Variants in CCDC149 observed in about 807,000 individuals in gnomAD.
The protein encoded by CCDC149 is coiled-coil domain containing 149.
In CCDC149, 45 loss-of-function variants were observed where a neutral mutation model predicts 59.9. The ratio of observed to expected loss-of-function variants is 0.75; its 90% CI spans 0.59 to 0.96. The LOEUF is 0.96. Among genes scored for constraint, CCDC149 ranks in the 40% least tolerant of loss-of-function variants. The pLI, the probability that CCDC149 is intolerant of heterozygous loss-of-function variation, is 0.00. For synonymous variants in CCDC149, 245 were observed against 260.6 expected (o/e 0.94, Z 0.58); for missense variants, 584 against 664.7 (o/e 0.88, Z 1.33).
intron 1 of CCDC149, among the ~76,000 whole-genome samples, chr4:24,889,091 G>A (rs188456454): frequency 4.6e-5 from 7 of 152,254 alleles, no homozygotes; most frequent in Non-Finnish European, 7.4e-5. Flanking sequence ...TAGCTGGGGG[G>A]TATGTGAAAT....
intron 1 of CCDC149, among the ~76,000 whole-genome samples, chr4:24,976,908 A>G (rs567604953): frequency 1.3e-5 from 2 of 152,306 alleles, no homozygotes; most frequent in South Asian, 4.1e-4. Context: ...CATGGACCAC[A>G]CTAGAACACA....
chr4:24,846,229 C>T (rs918847729), intron 4 of CCDC149, among the ~76,000 whole-genome samples: 2 of 152,126 alleles, frequency 1.3e-5, no homozygotes, highest in Admixed American at 1.3e-4. Flanking sequence ...CTGAGCATTG[C>T]CTATAGTTCA....
chr4:24,809,098 C>A (rs186910935), intron 12 of CCDC149, among the ~76,000 whole-genome samples: 1 of 152,306 alleles, frequency 6.6e-6, no homozygotes, highest in East Asian at 1.9e-4. Flanking sequence ...TGGTTAGCTT[C>A]TGTTCCATTC....
At chr4:24,905,683 G>C (rs527803395) in intron 1 of CCDC149, among the ~76,000 whole-genome samples, 4 of 152,270 alleles carry the variant, frequency 2.6e-5, no homozygotes, top group African/African-American at 7.2e-5. Context: ...TGATCCACCT[G>C]CCTTGGCCTC....
chr4:24,869,014 C>A (rs1190362907), intron 3 of CCDC149, among the ~76,000 whole-genome samples: 1 of 152,230 alleles, frequency 6.6e-6, no homozygotes. Flanking sequence ...AAATGTCCAG[C>A]ACAGCAGCCG....
intron 1 of CCDC149, among the ~76,000 whole-genome samples, chr4:24,979,035 A>C (rs529770808): frequency 6.6e-6 from 1 of 152,330 alleles, no homozygotes; most frequent in East Asian, 1.9e-4. Context: ...TGCAGGGAAC[A>C]CTTTGAGAGA....
At chr4:24,826,022 C>T (rs954083723) in intron 9 of CCDC149, among the ~76,000 whole-genome samples, 1 of 152,020 alleles carries the variant, frequency 6.6e-6, no homozygotes, top group Non-Finnish European at 1.5e-5. Context: ...GTGGCATGAT[C>T]TCAGCTCACG....
At chr4:24,940,806 G>T (rs12331169) in intron 1 of CCDC149, among the ~76,000 whole-genome samples, 69,634 of 151,962 alleles carry the variant, frequency 0.46, 18,893 homozygotes, top group African/African-American at 0.77. Context: ...AGAAGGCCAT[G>T]ACATAATGGT....
intron 1 of CCDC149, among the ~76,000 whole-genome samples, chr4:24,921,973 T>C (rs1274631440): frequency 6.6e-6 from 1 of 152,190 alleles, no homozygotes; most frequent in Non-Finnish European, 1.5e-5. Context: ...GAAATCTGCA[T>C]TCAAGGCATC....
At chr4:24,874,757 C>G (rs1719303960) in intron 2 of CCDC149, among the ~76,000 whole-genome samples, 1 of 152,188 alleles carries the variant, frequency 6.6e-6, no homozygotes, top group Non-Finnish European at 1.5e-5. Context: ...TCTATTTCTA[C>G]TCCAGGGCAG....
chr4:24,814,887 T>C (rs1403971344), intron 12 of CCDC149, among the ~76,000 whole-genome samples: 1 of 152,218 alleles, frequency 6.6e-6, no homozygotes, highest in African/African-American at 2.4e-5. Flanking sequence ...CCAGCACCTA[T>C]ACTTAGAAAG....
chr4:24,912,155 C>T (rs145172870), intron 1 of CCDC149, among the ~76,000 whole-genome samples: 326 of 152,318 alleles, frequency 2.1e-3, no homozygotes, highest in African/African-American at 7.4e-3. Context: ...AGTGGACCCC[C>T]AGGGTATGTT....
At chr4:24,977,364 G>A (rs544925543) in intron 1 of CCDC149, among the ~76,000 whole-genome samples, 15 of 152,258 alleles carry the variant, frequency 9.9e-5, no homozygotes, top group South Asian at 8.3e-4. Flanking sequence ...AGAGCCATGC[G>A]TCAGGAAATA....
chr4:24,884,825 T>C (rs1362103666), intron 1 of CCDC149, among the ~76,000 whole-genome samples: 1 of 152,238 alleles, frequency 6.6e-6, no homozygotes, highest in East Asian at 1.9e-4. Flanking sequence ...TTAATGATCA[T>C]TACTACTATT....
At chr4:24,812,216 G>T (rs1577372870) in intron 12 of CCDC149, among the ~76,000 whole-genome samples, 1 of 152,198 alleles carries the variant, frequency 6.6e-6, no homozygotes, top group African/African-American at 2.4e-5. Flanking sequence ...CAGGGAATTG[G>T]ACCTGAAATC....
chr4:24,868,155 C>A (rs919175024), intron 3 of CCDC149, among the ~76,000 whole-genome samples: 6 of 152,174 alleles, frequency 3.9e-5, no homozygotes, highest in Non-Finnish European at 5.9e-5. Context: ...CCCCTTCCTG[C>A]TGGTGACGCA....
At chr4:24,884,591 A>G (rs1041726142) in intron 1 of CCDC149, among the ~76,000 whole-genome samples, 13 of 152,164 alleles carry the variant, frequency 8.5e-5, no homozygotes, top group African/African-American at 1.7e-4. Flanking sequence ...AAAGAAAGAA[A>G]AGCAGTTTAG....
chr4:24,813,500 A>ATCTATATCTATC (rs1560197596), intron 12 of CCDC149, among the ~76,000 whole-genome samples: 1 of 18,148 alleles, frequency 5.5e-5, no homozygotes. Flanking sequence ...ATATATATAT[A>ATCTATATCTATC]TATATATATA....
intron 1 of CCDC149, among the ~76,000 whole-genome samples, chr4:24,878,280 G>A (rs1278383361): frequency 2.0e-5 from 3 of 149,326 alleles, no homozygotes; most frequent in Non-Finnish European, 3.0e-5. Context: ...GGAAAGAAAA[G>A]GCATTCTGAG....
Sources: gnomAD v4.1 joint callset for allele counts (sites outside exome capture counted in the v4.1 genomes callset) on GRCh38, gnomAD v4.1.1 for gene constraint, MANE v1.5 for transcripts, NCBI Gene and HGNC (gene_info 2026-07-23, HGNC 2026-07-21) for gene names.